The following STT3B variants were observed in gnomAD, a reference collection of about 807,000 sequenced individuals.
STT3B encodes the protein dolichyl-diphosphooligosaccharide--protein glycosyltransferase subunit STT3B.
STT3B carries 29 observed loss-of-function variants against 96.8 expected under a neutral mutation model. That is an observed-to-expected ratio of 0.30 (90% CI 0.22 to 0.41). The LOEUF is 0.41. Ranked by LOEUF, STT3B falls within the 10% of genes least tolerant of loss-of-function variation. The pLI, the probability that STT3B is intolerant of heterozygous loss-of-function variation, is 1.00. For missense variants in STT3B, 640 were observed against 1,022.3 expected, an observed-to-expected ratio of 0.63 and a Z score of 5.10; for synonymous variants, 367 against 360.0, an observed-to-expected ratio of 1.02 and a Z score of -0.22.
chr3:31,586,388 A>C lies in STT3B; in HGVS notation c.711+6292A>C, dbSNP rs1267537354. Among the ~76,000 whole-genome samples the C allele has an allele frequency of 2.0e-5, 3 of 152,154 alleles. No homozygotes were observed. In the East Asian group the frequency reaches 5.8e-4, roughly 29 times the overall value. On this transcript the variant is annotated intron_variant, in intron 3 of 15. Coordinates refer to ENST00000295770, the MANE Select transcript of STT3B (RefSeq NM_178862.3). ...TCTCTAGTCTCTTCCTAAGAGCAGA[A>C]AATTTTGATTTTTATGGAATGTATC...
chr3:31,539,744 C>A (rs921412569), intron 1 of STT3B, among the ~76,000 whole-genome samples: 1 of 152,036 alleles, frequency 6.6e-6, no homozygotes, highest in Admixed American at 6.6e-5. Context: ...ATGGGATTTT[C>A]GGAAACTCTG....
intron 1 of STT3B, among the ~76,000 whole-genome samples, chr3:31,572,015 C>CATACTAATATATATTAATATATGAT (rs1698156118): frequency 7.6e-6 from 1 of 131,954 alleles, no homozygotes; most frequent in Non-Finnish European, 1.6e-5. Context: ...TTTTATTAAA[C>CATACTAATATATATTAATATATGAT]ATATTAATAT....
At position 31,574,089 on chromosome 3, in the gene STT3B, C is replaced by A. The variant is rs572106106; in HGVS notation, c.315-2307C>A. Among the ~76,000 whole-genome samples, 84 of 152,160 alleles carry A rather than the reference C, an allele frequency of 5.5e-4. 1 individual carries two copies. Among genetic ancestry groups the A allele is most frequent in the African/African-American group, 1.9e-3 (81 of 41,542 alleles). Reference sequence around the variant, plus strand: ...TTTTAAAATGTGTTATTAGCAGTCCCTTGAAGTCAGTTTTTTAAAATGAAA... The same window carrying A: ...TTTTAAAATGTGTTATTAGCAGTCCATTGAAGTCAGTTTTTTAAAATGAAA... On this transcript the variant is annotated intron_variant, in intron 1 of 15. Transcript: ENST00000295770.
chr3:31,553,083 C>G (rs1207121250), intron 1 of STT3B, among the ~76,000 whole-genome samples: 1 of 125,162 alleles, frequency 8.0e-6, no homozygotes, highest in African/African-American at 3.2e-5. Flanking sequence ...GCCTGGGCGA[C>G]AGAGCGAAAC....
chr3:31,539,404 C>G (rs1490002076), intron 1 of STT3B, among the ~76,000 whole-genome samples: 1 of 152,160 alleles, frequency 6.6e-6, no homozygotes, highest in Non-Finnish European at 1.5e-5. Context: ...GATGAGGTAA[C>G]ATCTTTTATT....
intron 1 of STT3B, among the ~76,000 whole-genome samples, chr3:31,557,592 T>C (rs1009596271): frequency 2.6e-5 from 4 of 152,058 alleles, no homozygotes; most frequent in African/African-American, 9.6e-5. Context: ...TTCACTTCCT[T>C]TGTTAAATTT....
chr3:31,539,765 CTGAA>C (rs953209911), intron 1 of STT3B, among the ~76,000 whole-genome samples: 16 of 152,042 alleles, frequency 1.1e-4, no homozygotes, highest in African/African-American at 3.9e-4. Context: ...AAGAGAGTAG[CTGAA>C]TGAGAGGAAA....
intron 4 of STT3B, among the ~76,000 whole-genome samples, chr3:31,599,415 C>G (rs73826803): frequency 0.053 from 8,056 of 152,194 alleles, 728 homozygotes; most frequent in African/African-American, 0.18. Context: ...TCAGATAGGA[C>G]TGGCGCTCCA....
intron 1 of STT3B, among the ~76,000 whole-genome samples, chr3:31,556,555 G>A (rs189257028): frequency 1.3e-5 from 2 of 152,214 alleles, no homozygotes; most frequent in East Asian, 3.9e-4. Flanking sequence ...ACCCTTGTCA[G>A]CATTTGTTAT....
chr3:31,576,262 C>A, intron 1 of STT3B, 134 bp from the exon 2 acceptor site: 40 of 383,542 alleles, frequency 1.0e-4, no homozygotes, highest in Non-Finnish European at 1.3e-4. Context: ...CTTTTGATAT[C>A]TTCAGATTAT....
intron 5 of STT3B, among the ~76,000 whole-genome samples, chr3:31,607,450 G>T (rs1699077966): frequency 6.6e-6 from 1 of 152,134 alleles, no homozygotes; most frequent in Admixed American, 6.6e-5. Flanking sequence ...TCTCCTGGTG[G>T]TGCATAATAA....
intron 1 of STT3B, among the ~76,000 whole-genome samples, chr3:31,574,195 G>T (rs974195534): frequency 6.6e-6 from 1 of 152,144 alleles, no homozygotes; most frequent in Middle Eastern, 3.4e-3. Flanking sequence ...AGAAGTTTCG[G>T]GGGGGTGTTA....
At position 31,633,113 on chromosome 3, in the gene STT3B, A is replaced by G. The variant is rs139208333; in HGVS notation, c.2366A>G (p.Asn789Ser). Residue 789 changes from asparagine (N) to serine (S), a missense_variant, in exon 15 of 16, where the codon AAC becomes AGC. By Grantham distance (46) the Asn-to-Ser change is conservative (BLOSUM62 1). Transcript: ENST00000295770. Reference sequence around the variant, plus strand: ...TTAGATCACAAACCTCGAGTCACCAACATTTTCCCAAAACAGAAGTATTTG... The same window carrying G: ...TTAGATCACAAACCTCGAGTCACCAGCATTTTCCCAAAACAGAAGTATTTG... ...ETLDHKPRVTNIFPKQKYLSK... is the reference protein window; with the variant it reads ...ETLDHKPRVTSIFPKQKYLSK... 2.7e-4 allele frequency: 437 copies of G among 1,614,012 alleles called. No homozygotes were observed. Among genetic ancestry groups the G allele is most frequent in the Non-Finnish European group, 3.5e-4 (415 of 1,179,940 alleles).
At position 31,557,348 on chromosome 3, in the gene STT3B, TCTCA is replaced by T. The variant is rs561635383; in HGVS notation, c.315-19044_315-19041del. ...TTTTGCTCATGGTTGCTTTGGCTAT[TCTCA>T]CTCTTCCTTGGTTCTTTATTAATTT... is the stretch of plus-strand genomic sequence containing the variant. On this transcript the variant is annotated intron_variant, in intron 1 of 15. Transcript: ENST00000295770. Among the ~76,000 whole-genome samples the T allele has an allele frequency of 1.5e-3, 224 of 152,320 alleles. 2 individuals carry two copies. The highest frequency in any genetic ancestry group is 5.2e-3 in the African/African-American group (216 of 41,568).
At chr3:31,588,915 C>T (rs1468851084) in intron 3 of STT3B, among the ~76,000 whole-genome samples, 1 of 150,946 alleles carries the variant, frequency 6.6e-6, no homozygotes, top group Non-Finnish European at 1.5e-5. Flanking sequence ...GTCTTGAAGT[C>T]AGGTGTAGTA....
At position 31,617,092 on chromosome 3, in the gene STT3B, G is replaced by A; in HGVS notation, c.1123+17G>A. On this transcript the variant is annotated intron_variant, in intron 7 of 15. Transcript: ENST00000295770. Reference sequence around the variant, plus strand: ...CTTATACAGGTACGTGTTATCACCTGTAGGGTGTGAATATTGTCTATACAA... The same window carrying A: ...CTTATACAGGTACGTGTTATCACCTATAGGGTGTGAATATTGTCTATACAA... 1 of 1,548,954 alleles carries A rather than the reference G, an allele frequency of 6.5e-7. No homozygotes were observed. The highest frequency in any genetic ancestry group is 8.8e-7 in the Non-Finnish European group (1 of 1,138,412).
intron 13 of STT3B, 80 bp from the exon 14 acceptor site, chr3:31,629,218 C>G: frequency 1.3e-6 from 1 of 798,600 alleles, no homozygotes; most frequent in Non-Finnish European, 2.1e-6. Flanking sequence ...CTTATTCTTA[C>G]AGGGAAATGA....
At chr3:31,559,894 A>T (rs1197496080) in intron 1 of STT3B, among the ~76,000 whole-genome samples, 1 of 151,964 alleles carries the variant, frequency 6.6e-6, no homozygotes, top group African/African-American at 2.4e-5. Flanking sequence ...ATATGTTTAG[A>T]ATTGTTATTT....
intron 15 of STT3B, among the ~76,000 whole-genome samples, chr3:31,634,995 T>G (rs1356018715): frequency 6.6e-6 from 1 of 152,212 alleles, no homozygotes; most frequent in Non-Finnish European, 1.5e-5. Context: ...GCATTTTGCC[T>G]TGTGTTCTCA....
Sources: allele counts gnomAD v4.1 joint callset (sites outside exome capture counted in the v4.1 genomes callset), GRCh38; gene constraint gnomAD v4.1.1; transcripts MANE v1.5; gene names NCBI Gene and HGNC (gene_info 2026-07-23, HGNC 2026-07-21).